Variants in KLHL13 observed in about 807,000 individuals in gnomAD.
KLHL13 encodes the protein kelch-like protein 13.
Under a neutral mutation model 37.1 loss-of-function variants are expected in KLHL13, and 10 were observed. The ratio of observed to expected loss-of-function variants is 0.27; its 90% CI spans 0.17 to 0.46. The LOEUF is 0.46. KLHL13 is among the 20% of genes least tolerant of loss of function. The pLI, the probability that KLHL13 is intolerant of heterozygous loss-of-function variation, is 1.00. For missense variants in KLHL13, 360 were observed against 509.3 expected (o/e 0.71, Z 2.82); for synonymous variants, 163 against 181.2 (o/e 0.90, Z 0.81).
At chrX:118,001,023 T>A in intron 1 of KLHL13, among the ~76,000 whole-genome samples, 1 of 111,996 alleles carries the variant, frequency 8.9e-6, no homozygotes, top group Non-Finnish European at 1.9e-5. Context: ...AAAAGAGCAT[T>A]TGAACAAGCA....
chrX:117,929,661 G>A (rs1183326373), intron 2 of KLHL13, among the ~76,000 whole-genome samples: 5 of 107,438 alleles, frequency 4.7e-5, no homozygotes, highest in South Asian at 8.3e-4. Flanking sequence ...AAGTAAACTC[G>A]CCAGATGTGG....
chrX:118,024,341 G>A (rs375919396), intron 1 of KLHL13, among the ~76,000 whole-genome samples: 3 of 111,704 alleles, frequency 2.7e-5, no homozygotes, highest in Non-Finnish European at 3.8e-5. Context: ...AAATTTGGAA[G>A]AGCAAAGATT....
chrX:118,002,568 G>A (rs1387038014), intron 1 of KLHL13, among the ~76,000 whole-genome samples: 3 of 106,663 alleles, frequency 2.8e-5, no homozygotes, highest in African/African-American at 1.0e-4. Context: ...ACTCCAGCCT[G>A]GGCAACAAGA....
At chrX:118,093,075 C>T (rs1189944564) in intron 1 of KLHL13, among the ~76,000 whole-genome samples, 1 of 111,269 alleles carries the variant, frequency 9.0e-6, no homozygotes, top group Non-Finnish European at 1.9e-5. Flanking sequence ...AATTATTTGC[C>T]AAAATAATTG....
chrX:118,058,145 C>G, intron 1 of KLHL13, among the ~76,000 whole-genome samples: 1 of 111,683 alleles, frequency 9.0e-6, no homozygotes. Context: ...GTGTTACCAC[C>G]TTAGCCCTTT....
intron 2 of KLHL13, among the ~76,000 whole-genome samples, chrX:117,923,161 G>T (rs6603347): frequency 9.0e-6 from 1 of 111,539 alleles, no homozygotes; most frequent in Non-Finnish European, 1.9e-5. Flanking sequence ...AAGCAATGCC[G>T]CAATTAACTT....
chrX:118,064,412 G>C (rs2054774622), intron 1 of KLHL13, among the ~76,000 whole-genome samples: 1 of 111,150 alleles, frequency 9.0e-6, no homozygotes, highest in South Asian at 3.8e-4. Flanking sequence ...CATGCATTAA[G>C]GTTTAGAATA....
chrX:118,116,300 A>C (rs1353405262), intron 1 of KLHL13, among the ~76,000 whole-genome samples: 1 of 112,123 alleles, frequency 8.9e-6, no homozygotes, highest in Non-Finnish European at 1.9e-5. Context: ...GACCGGCAGA[A>C]AGGGATGCGA....
At chrX:117,965,635 C>T (rs1371672363) in intron 1 of KLHL13, among the ~76,000 whole-genome samples, 4 of 111,267 alleles carry the variant, frequency 3.6e-5, no homozygotes, top group Non-Finnish European at 7.5e-5. Flanking sequence ...CCCTGATGAA[C>T]GTCAATGCAA....
exon 3 of KLHL13, chrX:117,920,337 A>C (rs1345258996): frequency 8.3e-7 from 1 of 1,207,132 alleles, no homozygotes; most frequent in Non-Finnish European, 1.1e-6. Flanking sequence ...GTCACATCAC[A>C]AAGCAATCCT....
At chrX:117,984,271 T>C (rs2053698536) in intron 1 of KLHL13, among the ~76,000 whole-genome samples, 1 of 111,761 alleles carries the variant, frequency 8.9e-6, no homozygotes, top group African/African-American at 3.2e-5. Context: ...GTATAGGCTG[T>C]TGACAGTCAA....
At chrX:117,953,119 G>A (rs768073995) in intron 1 of KLHL13, among the ~76,000 whole-genome samples, 12 of 109,742 alleles carry the variant, frequency 1.1e-4, no homozygotes, top group East Asian at 8.6e-4. Context: ...TGTTTATTGC[G>A]GCACTATTCA....
At chrX:118,043,535 C>A (rs2054527284) in intron 1 of KLHL13, among the ~76,000 whole-genome samples, 1 of 111,666 alleles carries the variant, frequency 9.0e-6, no homozygotes, top group African/African-American at 3.3e-5. Flanking sequence ...AAAGACCATT[C>A]ATCAAGATCA....
At chrX:118,106,786 G>A (rs1340418474) in intron 1 of KLHL13, among the ~76,000 whole-genome samples, 1 of 111,879 alleles carries the variant, frequency 8.9e-6, no homozygotes, top group Non-Finnish European at 1.9e-5. Flanking sequence ...TAAAAGATTA[G>A]TCTATCCCTC....
chrX:118,107,553 T>C (rs2055359288), intron 1 of KLHL13, among the ~76,000 whole-genome samples: 1 of 112,319 alleles, frequency 8.9e-6, no homozygotes, highest in South Asian at 3.7e-4. Context: ...AGTATAGTTA[T>C]ATTTCATATG....
Position 117,983,681 on chromosome X carries a change from C to T in KLHL13, c.-55-38106G>A, listed in dbSNP as rs748889831. 9.8e-6 allele frequency: 4 copies of T among 406,418 alleles called. No homozygotes were observed. In the South Asian group the frequency reaches 2.1e-4, roughly 22 times the overall value. The allele number at this position is 406,418 out of a possible 1,213,427, so 33.5% of individuals were successfully genotyped here. A position where few individuals can be genotyped will look rare whatever the true frequency, so the allele number is the denominator to read the frequency against. ...ATTTATAAATCCTGAACAGTTAAAA[C>T]CACACATAACAATTTTAAACTATGT... On this transcript the variant is annotated intron_variant, in intron 1 of 6. Transcript: ENST00000371882.
intron 1 of KLHL13, among the ~76,000 whole-genome samples, chrX:117,959,515 C>T (rs888529173): frequency 9.8e-5 from 11 of 111,903 alleles, no homozygotes; most frequent in African/African-American, 3.6e-4. Flanking sequence ...TAGAGCTGGT[C>T]TTTAATATTA....
chrX:117,926,885 CTTTTTTTTTTTTTTTTTTTTTTTTT>C (rs10596292), intron 2 of KLHL13, among the ~76,000 whole-genome samples: 2 of 26,153 alleles, frequency 7.6e-5, no homozygotes, highest in Non-Finnish European at 1.7e-4. Context: ...CCCCCTACTT[CTTTTTTTTTTTTTTTTTTTTTTTTT>C]TTTTTTTTTT....
chrX:117,946,404 G>A (rs1422979864), intron 1 of KLHL13: 1 of 112,051 alleles, frequency 8.9e-6, no homozygotes, highest in Non-Finnish European at 1.9e-5. Flanking sequence ...TAGTCAGTAG[G>A]TCACTTAGAT....
Sources: gnomAD v4.1 joint callset for allele counts (sites outside exome capture counted in the v4.1 genomes callset) on GRCh38, gnomAD v4.1.1 for gene constraint, MANE v1.5 for transcripts, NCBI Gene and HGNC (gene_info 2026-07-23, HGNC 2026-07-21) for gene names.